PCDHA10: variants seen among roughly 807,000 people sequenced by gnomAD.
PCDHA10 encodes protocadherin alpha 10.
PCDHA10 carries 45 observed loss-of-function variants against 61.2 expected under a neutral mutation model. That is an observed-to-expected ratio of 0.74 (90% CI 0.58 to 0.94). The LOEUF (loss-of-function observed/expected upper bound fraction) is 0.94. PCDHA10 is among the 40% of genes least tolerant of loss of function. The pLI is 0.00. For synonymous variants in PCDHA10, 602 were observed against 548.8 expected (o/e 1.10, Z -1.35); for missense variants, 1,278 against 1,236.2 (o/e 1.03, Z -0.51).
intron 3 of PCDHA10, among the ~76,000 whole-genome samples, chr5:141,004,872 C>T (rs1242067093): frequency 6.6e-6 from 1 of 152,042 alleles, no homozygotes; most frequent in Non-Finnish European, 1.5e-5. Context: ...GTTTCTCATC[C>T]CTAAAGTGCT....
intron 1 of PCDHA10, among the ~76,000 whole-genome samples, chr5:140,954,141 T>C (rs1344784554): frequency 2.0e-5 from 3 of 152,208 alleles, no homozygotes; most frequent in Non-Finnish European, 4.4e-5. Flanking sequence ...TGCATAGTAT[T>C]CCATGGTGTA....
intron 1 of PCDHA10, chr5:140,871,350 C>T (rs782168219): frequency 5.6e-6 from 9 of 1,614,194 alleles, no homozygotes; most frequent in Non-Finnish European, 7.6e-6. Flanking sequence ...GCTGGTCATA[C>T]TCGCAGCAGA....
At chr5:140,943,405 A>G (rs1030211474) in intron 1 of PCDHA10, among the ~76,000 whole-genome samples, 2 of 152,164 alleles carry the variant, frequency 1.3e-5, no homozygotes, top group Non-Finnish European at 2.9e-5. Flanking sequence ...ATTTAAATTC[A>G]GACTAGAGGC....
At position 140,982,483 on chromosome 5, in the gene PCDHA10, A is replaced by C. The variant is rs1554244276; in HGVS notation, c.2456A>C (p.His819Pro). 1.2e-5 allele frequency: 20 copies of C among 1,614,142 alleles called. No homozygotes were observed. In the South Asian group the frequency reaches 1.9e-4, roughly 15 times the overall value. The stretch of plus-strand genomic sequence containing the variant: ...TCTGTGTGTTTATTCAGCTCTGTGC[A>C]CCTAGAGGAGGCTGGCATTCTACGG... ...SLRAGMHSSV[H>P]LEEAGILRAG... The change falls in exon 3 of 4, where the codon CAC becomes CCC. Residue 819 changes from histidine to proline, a missense_variant. By Grantham distance (77) the His-to-Pro change is moderately conservative. Coordinates refer to ENST00000307360, the MANE Select transcript of PCDHA10 (RefSeq NM_018901.4).
intron 1 of PCDHA10, among the ~76,000 whole-genome samples, chr5:140,931,396 G>A (rs1554208395): frequency 1.3e-5 from 2 of 152,118 alleles, no homozygotes; most frequent in Non-Finnish European, 2.9e-5. Context: ...ATAAGTAAGC[G>A]ATAGGAAGGC....
At chr5:140,887,062 C>A (rs1183265871) in intron 1 of PCDHA10, among the ~76,000 whole-genome samples, 2 of 151,718 alleles carry the variant, frequency 1.3e-5, no homozygotes, top group African/African-American at 4.8e-5. Flanking sequence ...GTTCTGGCAA[C>A]AAATTCACTC....
In PCDHA10 at chr5:141,010,017, T is replaced by C; in HGVS notation, c.*80T>C. 1.3e-6 allele frequency: 2 copies of C among 1,571,154 alleles called. No individual in the cohort carries two copies. Among genetic ancestry groups the C allele is most frequent in the Non-Finnish European group, 1.7e-6 (2 of 1,162,678 alleles). On this transcript the variant is annotated 3_prime_UTR_variant, in exon 4 of 4. Transcript: ENST00000307360. ...CTCCCATGTAGCAATTCCCTGCTCC[T>C]TTTTCCTATCTACATGAGCCCTCTT...
chr5:140,867,455 GTGTTATGACAACAT>G (rs1181061872), intron 1 of PCDHA10: 1 of 152,006 alleles, frequency 6.6e-6, no homozygotes, highest in East Asian at 1.9e-4. Flanking sequence ...TAGAGTTCTA[GTGTTATGACAACAT>G]TGGGAAAAGA....
chr5:140,913,082 C>G (rs2076197049), intron 1 of PCDHA10, among the ~76,000 whole-genome samples: 1 of 152,108 alleles, frequency 6.6e-6, no homozygotes, highest in African/African-American at 2.4e-5. Context: ...TGTTTGGTAT[C>G]AGGATAATAC....
chr5:140,871,823 C>T (rs900166925), intron 1 of PCDHA10, among the ~76,000 whole-genome samples: 1 of 152,144 alleles, frequency 6.6e-6, no homozygotes, highest in African/African-American at 2.4e-5. Context: ...TACCCATGCC[C>T]CTTCATCTCT....
chr5:140,878,351 A>C (rs2057557275), intron 1 of PCDHA10, among the ~76,000 whole-genome samples: 1 of 152,248 alleles, frequency 6.6e-6, no homozygotes, highest in South Asian at 2.1e-4. Flanking sequence ...ACAATAATAT[A>C]AATGATATGT....
At chr5:140,966,868 G>A (rs781853403) in intron 1 of PCDHA10, 47 of 1,580,198 alleles carry the variant, frequency 3.0e-5, no homozygotes, top group Non-Finnish European at 3.7e-5. Flanking sequence ...TGTTGCTGCT[G>A]CTGCTACCTG....
chr5:140,870,082 C>A lies in PCDHA10; in HGVS notation c.2388+11646C>A, dbSNP rs1326686779. 1.9e-6 allele frequency: 3 copies of A among 1,613,708 alleles called. No individual in the cohort carries two copies. In the Admixed American group the frequency reaches 5.0e-5, roughly 27 times the overall value. ...AGTACAGGCTACAGATAAGGGGACT[C>A]CCCCAATGGCAGGTCACTGTACAGT... On this transcript the variant is annotated intron_variant, in intron 1 of 3. Transcript: ENST00000307360.
chr5:140,999,628 G>C (rs1169273057), intron 3 of PCDHA10, among the ~76,000 whole-genome samples: 2 of 152,182 alleles, frequency 1.3e-5, no homozygotes, highest in Admixed American at 1.3e-4. Context: ...AGGAAACAAG[G>C]TAGAGAAAAC....
chr5:140,857,939 A>C lies in PCDHA10; in HGVS notation c.1891A>C (p.Ser631Arg). Residue 631 changes from serine (S) to arginine (R), a missense_variant, in exon 1 of 4, where the codon AGT (serine) becomes CGT (arginine). Coordinates refer to ENST00000307360, the MANE Select transcript of PCDHA10 (RefSeq NM_018901.4). ...CGTGGGGCTGTACACGGGCGAGATC[A>C]GTACGACGCGCGCTCTGGATGAGAC... ...FRVGLYTGEI[S>R]TTRALDETDS... The C allele has an allele frequency of 6.3e-7, 1 of 1,597,618 alleles. No homozygotes were observed. The highest frequency in any genetic ancestry group is 1.7e-4 in the Middle Eastern group (1 of 6,000).
rs1164377412 is a variant in PCDHA10 at position 140,857,264 on chromosome 5, T to C, written c.1216T>C (p.Leu406=). The stretch of plus-strand genomic sequence containing the variant: ...GTCCACCTACAAGAATTACTACTCA[T>C]TGGTGCTGGACAGCGCTCTGGACCG... ...LVSTYKNYYS[L]VLDSALDRER... Residue 406 remains leucine, a synonymous_variant, in exon 1 of 4, where the codon TTG becomes CTG. Transcript: ENST00000307360. 5.0e-6 allele frequency: 8 copies of C among 1,598,636 alleles called. 1 individual carries two copies. The highest frequency in any genetic ancestry group is 2.2e-5 in the East Asian group (1 of 44,850).
At chr5:140,897,367 T>G (rs1554187348) in intron 1 of PCDHA10, among the ~76,000 whole-genome samples, 1 of 125,642 alleles carries the variant, frequency 8.0e-6, no homozygotes, top group South Asian at 2.5e-4. Flanking sequence ...CAGAGTGTGA[T>G]GTTCCCTTCC....
intron 3 of PCDHA10, among the ~76,000 whole-genome samples, chr5:140,986,342 C>G (rs1390823261): frequency 4.6e-5 from 7 of 152,184 alleles, no homozygotes; most frequent in African/African-American, 1.7e-4. Flanking sequence ...ACAGTTGCAG[C>G]CTCTTCTTCA....
intron 1 of PCDHA10, chr5:140,869,342 A>G (rs782505088): frequency 1.2e-6 from 2 of 1,614,050 alleles, no homozygotes; most frequent in Admixed American, 3.3e-5. Flanking sequence ...GTAAATCTGC[A>G]GAATGGCATT....
Sources: gnomAD v4.1 joint callset for allele counts (sites outside exome capture counted in the v4.1 genomes callset) on GRCh38, gnomAD v4.1.1 for gene constraint, MANE v1.5 for transcripts, NCBI Gene and HGNC (gene_info 2026-07-23, HGNC 2026-07-21) for gene names.